The following ATP2A2 variants were observed in gnomAD, a reference collection of about 807,000 sequenced individuals.
ATP2A2 encodes sarcoplasmic/endoplasmic reticulum calcium ATPase 2.
In ATP2A2, 14 loss-of-function variants were observed where a neutral mutation model predicts 109.3. That is an observed-to-expected ratio of 0.13 (90% CI 0.08 to 0.20). ATP2A2 has a LOEUF of 0.20. Among genes scored for constraint, ATP2A2 ranks in the 10% least tolerant of loss-of-function variants. The pLI, the probability that ATP2A2 is intolerant of heterozygous loss-of-function variation, is 1.00. For synonymous variants in ATP2A2, 506 were observed against 490.9 expected, an observed-to-expected ratio of 1.03 and a Z score of -0.41; for missense variants, 657 against 1,321.6, an observed-to-expected ratio of 0.50 and a Z score of 7.80.
intron 5 of ATP2A2, among the ~76,000 whole-genome samples, chr12:110,313,727 T>A (rs1592828262): frequency 1.5e-5 from 2 of 137,764 alleles, no homozygotes; most frequent in South Asian, 4.6e-4. Flanking sequence ...TTTTTTTTTT[T>A]GAGACAAAGT....
chr12:110,314,370 C>T, intron 5 of ATP2A2, among the ~76,000 whole-genome samples: 1 of 150,308 alleles, frequency 6.7e-6, no homozygotes, highest in African/African-American at 2.4e-5. Context: ...AAGGGCTTGG[C>T]ATTATCAGTG....
intron 5 of ATP2A2, among the ~76,000 whole-genome samples, chr12:110,318,402 C>T (rs1292599521): frequency 1.3e-5 from 2 of 152,162 alleles, no homozygotes; most frequent in East Asian, 3.8e-4. Context: ...AGTTCCTGTG[C>T]ATAAAATGAA....
Position 110,347,535 on chromosome 12 carries a change from G to T in ATP2A2, c.*1065G>T. ...TGTACATTTTATGCAAGTTTCTGCT[G>T]GCCTGGTATAGAGAACATAAGGGCA... On this transcript the variant is annotated 3_prime_UTR_variant, in exon 20 of 20. Transcript: ENST00000539276. The T allele has an allele frequency of 7.8e-7, 1 of 1,288,442 alleles. No individual in the cohort carries two copies. 79.8% of individuals were successfully genotyped at this position (1,288,442 alleles called of 1,614,324 possible). A position where few individuals can be genotyped will look rare whatever the true frequency, so the allele number is the denominator to read the frequency against.
chr12:110,333,027 T>C (rs1592851403), intron 9 of ATP2A2, among the ~76,000 whole-genome samples, 154 bp from the exon 10 acceptor site: 1 of 152,286 alleles, frequency 6.6e-6, no homozygotes, highest in Non-Finnish European at 1.5e-5. Flanking sequence ...TTTTGTCTAA[T>C]ATTGGCTCTG....
intron 5 of ATP2A2, among the ~76,000 whole-genome samples, chr12:110,322,330 T>G (rs1490780001): frequency 6.6e-6 from 1 of 152,194 alleles, no homozygotes; most frequent in Non-Finnish European, 1.5e-5. Context: ...ATTTTACTTT[T>G]TGAGATGGAG....
intron 3 of ATP2A2, 124 bp from the exon 4 acceptor site, chr12:110,291,896 C>T: frequency 2.4e-6 from 2 of 843,440 alleles, no homozygotes; most frequent in Non-Finnish European, 4.0e-6. Context: ...GATCGCCTGC[C>T]TTGGCCTCCC....
intron 1 of ATP2A2, among the ~76,000 whole-genome samples, 167 bp from the exon 2 acceptor site, chr12:110,282,437 C>T (rs1239555344): frequency 1.3e-5 from 2 of 152,102 alleles, no homozygotes; most frequent in Non-Finnish European, 2.9e-5. Flanking sequence ...GGTATGCCCT[C>T]TGCTAAAAAA....
At position 110,349,986 on chromosome 12, in the gene ATP2A2, C is replaced by G; in HGVS notation, c.*3516C>G. 2 of 1,311,964 alleles carry G rather than the reference C, an allele frequency of 1.5e-6. No homozygotes were observed. The highest frequency in any genetic ancestry group is 1.6e-5 in the South Asian group (1 of 61,516). 81.3% of individuals were successfully genotyped at this position (1,311,964 alleles called of 1,614,324 possible). A position where few individuals can be genotyped will look rare whatever the true frequency, so the allele number is the denominator to read the frequency against. ...CACTAACCAAGACCTTGTCCTCTTG[C>G]CTGTCTCGCTGCTTTCACAGCTGCA... is the stretch of plus-strand genomic sequence containing the variant. On this transcript the variant is annotated 3_prime_UTR_variant, in exon 20 of 20. Coordinates refer to ENST00000539276, the MANE Select transcript of ATP2A2 (RefSeq NM_170665.4).
At chr12:110,302,628 C>T (rs1874803034) in intron 5 of ATP2A2, among the ~76,000 whole-genome samples, 1 of 151,370 alleles carries the variant, frequency 6.6e-6, no homozygotes, top group South Asian at 2.1e-4. Flanking sequence ...GAGACAGGGT[C>T]TCACTCTGCT....
Position 110,327,152 on chromosome 12 carries a change from G to T in ATP2A2, c.631-401G>T, listed in dbSNP as rs555532136. 2.0e-5 allele frequency among the ~76,000 whole-genome samples: 3 copies of T among 152,304 alleles called. No individual in the cohort carries two copies. The highest frequency in any genetic ancestry group is 3.9e-4 in the East Asian group (2 of 5,190). On this transcript the variant is annotated intron_variant, in intron 7 of 19. Coordinates refer to ENST00000539276, the MANE Select transcript of ATP2A2 (RefSeq NM_170665.4). The surrounding 1 kb of genome is among the most constrained non-coding windows in gnomAD (Gnocchi z 4.4). Reference sequence around the variant, plus strand: ...TTTGGACCCTGTCACATGAGTAGGGGTTGTCAAGATAGCCCATGGGGCTAG... The same window carrying T: ...TTTGGACCCTGTCACATGAGTAGGGTTTGTCAAGATAGCCCATGGGGCTAG...
rs1440836234 is a variant in ATP2A2, at chr12:110,339,276, T to C, written c.1420-5T>C. 2 of 1,613,980 alleles carry C rather than the reference T, an allele frequency of 1.2e-6. No homozygotes were observed. Among genetic ancestry groups the C allele is most frequent in the Non-Finnish European group, 1.7e-6 (2 of 1,180,012 alleles). ...CAGTAGTATCCATATTTGTTCCCTT[T>C]GTAGGTCATTAAACAGCTGATGAAA... On this transcript the variant is annotated splice_region_variant and splice_polypyrimidine_tract_variant and intron_variant, in intron 11 of 19. Coordinates refer to ENST00000539276, the MANE Select transcript of ATP2A2 (RefSeq NM_170665.4). The surrounding 1 kb of genome is among the most constrained non-coding windows in gnomAD (Gnocchi z 4.4).
chr12:110,327,852 T>G lies in ATP2A2; in HGVS notation c.930T>G (p.Gly310=). 6.2e-7 allele frequency: 1 copy of G among 1,614,116 alleles called. No individual in the cohort carries two copies. Among genetic ancestry groups the G allele is most frequent in the Non-Finnish European group, 8.5e-7 (1 of 1,180,032 alleles). Residue 310 remains glycine (G), a synonymous_variant, in exon 8 of 20, where the codon GGT becomes GGG. Transcript: ENST00000539276. This position sits in a 1 kb window ranked among gnomAD's most constrained non-coding sequence, Gnocchi z 4.4. ...TGGCTGTAGCAGCCATTCCTGAAGGTCTGCCTGCAGTCATCACCACCTGCC... is the reference window on the plus strand; with the variant it reads ...TGGCTGTAGCAGCCATTCCTGAAGGGCTGCCTGCAGTCATCACCACCTGCC... ...VALAVAAIPE[G]LPAVITTCLA... is the part of the protein sequence containing the mutation.
intron 3 of ATP2A2, among the ~76,000 whole-genome samples, chr12:110,285,750 A>G (rs1872591035): frequency 6.6e-6 from 1 of 152,126 alleles, no homozygotes; most frequent in Non-Finnish European, 1.5e-5. Context: ...TAATTTGCAT[A>G]GGTTTCTCTA....
chr12:110,282,191 C>T (rs1206885384), intron 1 of ATP2A2, among the ~76,000 whole-genome samples: 1 of 152,216 alleles, frequency 6.6e-6, no homozygotes, highest in Non-Finnish European at 1.5e-5. Flanking sequence ...GACGTGGCTT[C>T]TGCAGCTAGG....
Position 110,348,367 on chromosome 12 carries a change from C to G in ATP2A2, c.*1897C>G, listed in dbSNP as rs1880084404. On this transcript the variant is annotated 3_prime_UTR_variant, in exon 20 of 20. Transcript: ENST00000539276. ...ACGTGGCTCTGCACAGCCCAAAAAC[C>G]AGCTTACTCCTTAGCCAGGGTGTGA... is the stretch of plus-strand genomic sequence containing the variant. 1 of 985,262 alleles carries G rather than the reference C, an allele frequency of 1.0e-6. No homozygotes were observed. The highest frequency in any genetic ancestry group is 4.7e-5 in the South Asian group (1 of 21,272). 61.0% of individuals were successfully genotyped at this position (985,262 alleles called of 1,614,324 possible).
rs560865318 is a variant in ATP2A2 at position 110,344,712 on chromosome 12, G to A, written c.2522-174G>A. On this transcript the variant is annotated intron_variant, in intron 16 of 19. Transcript: ENST00000539276. ...ACACCCCTGTCCTTCAGAAACCAGG[G>A]TCTAGTTGCTCTGGCTACCAGGCGT... 1.1e-3 allele frequency among the ~76,000 whole-genome samples: 173 copies of A among 152,286 alleles called. 1 individual carries two copies. In the South Asian group the frequency reaches 0.013, roughly 11 times the overall value.
chr12:110,312,757 C>T (rs371109076), intron 5 of ATP2A2, among the ~76,000 whole-genome samples: 96 of 148,936 alleles, frequency 6.4e-4, no homozygotes, highest in African/African-American at 2.4e-3. Context: ...GGCTGAGGCA[C>T]GAGAATCGCC....
At chr12:110,303,526 T>G (rs1017662840) in intron 5 of ATP2A2, among the ~76,000 whole-genome samples, 3 of 152,208 alleles carry the variant, frequency 2.0e-5, no homozygotes, top group Non-Finnish European at 2.9e-5. Flanking sequence ...TTCTCCTGCC[T>G]CAGCCTCCCG....
intron 5 of ATP2A2, among the ~76,000 whole-genome samples, chr12:110,317,641 G>A (rs1348270454): frequency 1.3e-5 from 2 of 152,178 alleles, no homozygotes; most frequent in Non-Finnish European, 2.9e-5. Flanking sequence ...GCCTCCCAAA[G>A]TGCTGGGATT....
Sources: gnomAD v4.1 joint callset for allele counts (sites outside exome capture counted in the v4.1 genomes callset) on GRCh38, gnomAD v4.1.1 for gene constraint, Gnocchi (gnomAD v3.1) non-coding constraint, MANE v1.5 for transcripts, NCBI Gene and HGNC (gene_info 2026-07-23, HGNC 2026-07-21) for gene names.